STARD6: variants seen among roughly 807,000 people sequenced by gnomAD.
STARD6 encodes StAR related lipid transfer domain containing 6.
Under a neutral mutation model 22.3 loss-of-function variants are expected in STARD6, and 21 were observed. The ratio of observed to expected loss-of-function variants is 0.94; its 90% CI spans 0.67 to 1.35. The LOEUF is 1.35. Ranked by LOEUF, STARD6 falls within the 40% of genes most tolerant of loss-of-function variation. The pLI, the probability that STARD6 is intolerant of heterozygous loss-of-function variation, is 0.00. For synonymous variants in STARD6, 80 were observed against 88.1 expected (o/e 0.91, Z 0.52); for missense variants, 269 against 266.9 (o/e 1.01, Z -0.05).
At chr18:54,340,924 G>A (rs1207713279) in intron 4 of STARD6, among the ~76,000 whole-genome samples, 1 of 152,180 alleles carries the variant, frequency 6.6e-6, no homozygotes, top group Non-Finnish European at 1.5e-5. Context: ...GGGTTAACCT[G>A]TTAGGAAGAT....
intron 6 of STARD6, among the ~76,000 whole-genome samples, chr18:54,330,358 C>T (rs911577267): frequency 1.3e-5 from 2 of 151,800 alleles, no homozygotes; most frequent in African/African-American, 2.4e-5. Context: ...GGAAATTATG[C>T]TTGTCTTCTT....
chr18:54,325,801 C>T (rs1362166996), intron 7 of STARD6, among the ~76,000 whole-genome samples: 2 of 152,152 alleles, frequency 1.3e-5, no homozygotes, highest in African/African-American at 2.4e-5. Context: ...CCTCCCACTT[C>T]GGCCTCCCAA....
intron 4 of STARD6, among the ~76,000 whole-genome samples, chr18:54,352,828 C>T (rs1599311957): frequency 6.6e-6 from 1 of 152,152 alleles, no homozygotes; most frequent in East Asian, 1.9e-4. Context: ...TCAATAATTA[C>T]TTGTAGACTA....
intron 4 of STARD6, among the ~76,000 whole-genome samples, chr18:54,353,525 T>C (rs1372931215): frequency 1.3e-5 from 2 of 152,114 alleles, no homozygotes; most frequent in African/African-American, 4.8e-5. Flanking sequence ...TCAGGTGTGG[T>C]GGTGTGCACC....
At position 54,331,879 on chromosome 18, in the gene STARD6, A is replaced by T. The variant is rs1159711780; in HGVS notation, c.268-20T>A. The T allele has an allele frequency of 6.7e-7, 1 of 1,503,582 alleles. No individual in the cohort carries two copies. Among genetic ancestry groups the T allele is most frequent in the East Asian group, 2.3e-5 (1 of 44,182 alleles). 93.1% of individuals were successfully genotyped at this position (1,503,582 alleles called of 1,614,324 possible). ...TGTGTCCTGCAACAAATCAAACCGT[A>T]AAGATAACAAACGTTACTTAATATC... On this transcript the variant is annotated intron_variant, in intron 5 of 7. Transcript: ENST00000307844.
At chr18:54,333,515 T>C (rs1258987774) in intron 5 of STARD6, among the ~76,000 whole-genome samples, 1 of 152,178 alleles carries the variant, frequency 6.6e-6, no homozygotes, top group East Asian at 1.9e-4. Context: ...ATGAATGAAA[T>C]AGTTAAATTT....
rs2088867673 is a variant in STARD6 at position 54,331,809 on chromosome 18, A to C, written c.318T>G (p.Ile106Met). 1 of 1,613,572 alleles carries C rather than the reference A, an allele frequency of 6.2e-7. No homozygotes were observed. Reference protein sequence around the residue: ...TITQSFAVGSISPRDFIDLVY... With the variant: ...TITQSFAVGSMSPRDFIDLVY... ...CTAAGTCGATAAAGTCTCGAGGGGA[A>C]ATGGAGCCCACGGCAAAACTTTGTG... The change falls in exon 6 of 8, where the codon ATT becomes ATG. Residue 106 changes from isoleucine to methionine, a missense_variant. Transcript: ENST00000307844.
intron 6 of STARD6, among the ~76,000 whole-genome samples, chr18:54,330,929 A>AGT (rs1008694681): frequency 6.6e-5 from 10 of 152,120 alleles, no homozygotes; most frequent in African/African-American, 2.4e-4. Flanking sequence ...ATCAGCCCTT[A>AGT]GTGGTATGCT....
At chr18:54,335,962 C>T (rs1342221047) in intron 5 of STARD6, among the ~76,000 whole-genome samples, 1 of 152,168 alleles carries the variant, frequency 6.6e-6, no homozygotes, top group Non-Finnish European at 1.5e-5. Context: ...TTCTTTAGAG[C>T]AGTGTGAAAA....
chr18:54,341,365 A>AT (rs1435974299), intron 4 of STARD6, among the ~76,000 whole-genome samples: 1 of 152,154 alleles, frequency 6.6e-6, no homozygotes, highest in African/African-American at 2.4e-5. Context: ...GGCCCACGTC[A>AT]TTTTCAATAA....
intron 5 of STARD6, among the ~76,000 whole-genome samples, chr18:54,334,402 C>T (rs1017407447): frequency 6.6e-6 from 1 of 152,140 alleles, no homozygotes; most frequent in African/African-American, 2.4e-5. Context: ...CTGCTTAAAA[C>T]ACACCAATGG....
At chr18:54,339,423 A>G (rs991145398) in intron 4 of STARD6, among the ~76,000 whole-genome samples, 2 of 152,012 alleles carry the variant, frequency 1.3e-5, no homozygotes, top group African/African-American at 2.4e-5. Flanking sequence ...CCACTTCCAG[A>G]TATATCATAG....
At chr18:54,334,337 C>T (rs1045954845) in intron 5 of STARD6, among the ~76,000 whole-genome samples, 1 of 152,158 alleles carries the variant, frequency 6.6e-6, no homozygotes, top group Non-Finnish European at 1.5e-5. Flanking sequence ...TCCTTATAAT[C>T]CATGCTCCTT....
chr18:54,328,534 C>T (rs1295991709), intron 7 of STARD6, among the ~76,000 whole-genome samples: 1 of 152,114 alleles, frequency 6.6e-6, no homozygotes, highest in Admixed American at 6.5e-5. Context: ...CAATCGTATA[C>T]ATTAACATGA....
intron 2 of STARD6, 47 bp downstream of exon 2, chr18:54,356,314 C>G (rs1031403209): frequency 1.3e-5 from 2 of 152,136 alleles, no homozygotes; most frequent in Non-Finnish European, 2.9e-5. Flanking sequence ...TTTTAGTAAA[C>G]CATTATTATA....
chr18:54,337,249 T>A lies in STARD6; in HGVS notation c.143A>T (p.Tyr48Phe). ...TTCTGGAATTATCCCTTCAACACGATATCTACAGTTAACAAAATAAAGAAA... is the reference window on the plus strand; with the variant it reads ...TTCTGGAATTATCCCTTCAACACGAAATCTACAGTTAACAAAATAAAGAAA... ...KASRKFHGNL[Y>F]RVEGIIPESP... Residue 48 changes from tyrosine to phenylalanine, a missense_variant and splice_region_variant, in exon 5 of 8, where the codon TAT becomes TTT. Tyr to Phe is a conservative substitution (Grantham distance 22, BLOSUM62 3). Coordinates refer to ENST00000307844, the MANE Select transcript of STARD6 (RefSeq NM_139171.2). The A allele has an allele frequency of 6.2e-7, 1 of 1,606,096 alleles. No homozygotes were observed. The highest frequency in any genetic ancestry group is 1.7e-4 in the Middle Eastern group (1 of 6,000).
intron 4 of STARD6, among the ~76,000 whole-genome samples, chr18:54,345,902 C>T (rs191309731): frequency 1.3e-5 from 2 of 152,108 alleles, no homozygotes; most frequent in African/African-American, 4.8e-5. Context: ...TGGACTCCTG[C>T]CTCACACCAT....
At chr18:54,330,027 G>C (rs573334861) in intron 6 of STARD6, among the ~76,000 whole-genome samples, 19 of 151,958 alleles carry the variant, frequency 1.3e-4, no homozygotes, top group African/African-American at 4.6e-4. Flanking sequence ...CCTAGTGTCT[G>C]TATTCTATGT....
intron 6 of STARD6, among the ~76,000 whole-genome samples, chr18:54,331,119 G>A (rs1296259177): frequency 1.3e-5 from 2 of 151,966 alleles, no homozygotes; most frequent in African/African-American, 2.4e-5. Context: ...AGAGAAAAAC[G>A]GGCTCTATGC....
Sources: gnomAD v4.1 joint callset for allele counts (sites outside exome capture counted in the v4.1 genomes callset) on GRCh38, gnomAD v4.1.1 for gene constraint, MANE v1.5 for transcripts, NCBI Gene and HGNC (gene_info 2026-07-23, HGNC 2026-07-21) for gene names.